Variants in MTFMT observed in about 807,000 individuals in gnomAD.
The protein encoded by MTFMT is methionyl-tRNA formyltransferase, mitochondrial.
Under a neutral mutation model 51.8 loss-of-function variants are expected in MTFMT, and 47 were observed. The ratio of observed to expected loss-of-function variants is 0.91; its 90% CI spans 0.72 to 1.16. The LOEUF is 1.16. Ranked by LOEUF, MTFMT falls within the 50% of genes most tolerant of loss-of-function variation. The pLI is 0.00. For synonymous variants in MTFMT, 196 were observed against 176.7 expected, an observed-to-expected ratio of 1.11 and a Z score of -0.87; for missense variants, 512 against 482.3, an observed-to-expected ratio of 1.06 and a Z score of -0.58.
In MTFMT at chr15:65,003,227, C is replaced by T; in HGVS notation, c.1005G>A (p.Met335Ile). Residue 335 changes from methionine to isoleucine, a missense_variant, in exon 9 of 9, where the codon ATG (methionine) becomes ATA (isoleucine). By Grantham distance (10) the Met-to-Ile change is conservative. Transcript: ENST00000220058. ...KDGWIGVRSVMLKKSLTATDF... is the reference protein window; with the variant it reads ...KDGWIGVRSVILKKSLTATDF... ...CAGTAGCTGTTAGTGATTTCTTGAG[C>T]ATCACTGATCGAACACCAATCCAAC... 6.2e-7 allele frequency: 1 copy of T among 1,613,298 alleles called. No individual in the cohort carries two copies. The highest frequency in any genetic ancestry group is 1.3e-5 in the African/African-American group (1 of 75,004).
At chr15:65,016,594 T>C (rs944623122) in intron 5 of MTFMT, 67 bp from the exon 6 acceptor site, 1 of 1,052,548 alleles carries the variant, frequency 9.5e-7, no homozygotes, top group African/African-American at 1.6e-5. Context: ...CAGCTATTGA[T>C]ACTGAATAAG....
chr15:65,009,495 T>A lies in MTFMT; in HGVS notation c.814-3304A>T, dbSNP rs1358324291. 2.0e-5 allele frequency among the ~76,000 whole-genome samples: 3 copies of A among 152,288 alleles called. No homozygotes were observed. The South Asian group carries it at 6.2e-4, about 32-fold the overall frequency. ...GCCAAAAATCTATGAATGATCCTAA[T>A]TTATCTATCTCTAATTTCCCAGATT... On this transcript the variant is annotated intron_variant, in intron 6 of 8. Transcript: ENST00000220058.
At chr15:65,018,461 T>C (rs1286311112) in intron 5 of MTFMT, among the ~76,000 whole-genome samples, 4 of 152,210 alleles carry the variant, frequency 2.6e-5, no homozygotes, top group Non-Finnish European at 5.9e-5. Context: ...CCTTTAATGA[T>C]AAATTTGAAT....
chr15:65,019,681 A>T (rs1240225232), intron 5 of MTFMT, among the ~76,000 whole-genome samples: 1 of 152,158 alleles, frequency 6.6e-6, no homozygotes, highest in Non-Finnish European at 1.5e-5. Flanking sequence ...CATAACAACT[A>T]ATTACAATTA....
chr15:65,020,371 TTTTTTC>T (rs2086363832), intron 4 of MTFMT, 99 bp from the exon 5 acceptor site: 1 of 1,010,684 alleles, frequency 9.9e-7, no homozygotes, highest in Non-Finnish European at 1.4e-6. Flanking sequence ...ACCTATAACT[TTTTTTC>T]TTTTTCTTTT....
Position 65,027,015 on chromosome 15 carries a change from C to T in MTFMT, c.235G>A (p.Asp79Asn), listed in dbSNP as rs751023728. The T allele has an allele frequency of 5.0e-6, 8 of 1,613,770 alleles. No individual in the cohort carries two copies. Among genetic ancestry groups the T allele is most frequent in the Admixed American group, 1.7e-5 (1 of 59,982 alleles). ...GGCATTGTGACCACCTCCAGTTTGT[C>T]GATTAACTCTTCTTCTTTGTTTTCC... The part of the protein sequence containing the change: ...ARENKEEELI[D>N]KLEVVTMPSP... Residue 79 changes from aspartate to asparagine, a missense_variant, in exon 2 of 9, where the codon GAC (aspartate) becomes AAC (asparagine). By Grantham distance (23) the Asp-to-Asn change is conservative. Coordinates refer to ENST00000220058, the MANE Select transcript of MTFMT (RefSeq NM_139242.4).
At chr15:65,019,648 A>AT (rs147266817) in intron 5 of MTFMT, among the ~76,000 whole-genome samples, 1 of 152,084 alleles carries the variant, frequency 6.6e-6, no homozygotes, top group African/African-American at 2.4e-5. Flanking sequence ...AAAAAGAGGA[A>AT]TTTTTTTTAG....
chr15:65,023,644 A>T, intron 3 of MTFMT, 28 bp downstream of exon 3: 1 of 1,609,700 alleles, frequency 6.2e-7, no homozygotes, highest in African/African-American at 1.3e-5. Flanking sequence ...AAATCACAAA[A>T]ATCTCAAGAA....
At chr15:65,014,472 C>T (rs1190749302) in intron 6 of MTFMT, among the ~76,000 whole-genome samples, 4 of 151,604 alleles carry the variant, frequency 2.6e-5, no homozygotes, top group African/African-American at 7.3e-5. Flanking sequence ...TACAGGCATG[C>T]GCCACTAGGT....
Position 65,029,508 on chromosome 15 carries a change from C to T in MTFMT, c.106G>A (p.Asp36Asn), listed in dbSNP as rs1313734512. Residue 36 changes from aspartate (D) to asparagine (N), a missense_variant, in exon 1 of 9, where the codon GAC (aspartate) becomes AAC (asparagine). Coordinates refer to ENST00000220058, the MANE Select transcript of MTFMT (RefSeq NM_139242.4). ...WRALARLGWE[D>N]CRDSRVREKP... is the part of the protein sequence containing the mutation. ...TCGCGGACTCTGGAGTCCCGGCAGT[C>T]CTCCCAGCCGAGTCGGGCCAGTGCT... 7 of 1,531,388 alleles carry T rather than the reference C, an allele frequency of 4.6e-6. No homozygotes were observed. The highest frequency in any genetic ancestry group is 6.1e-6 in the Non-Finnish European group (7 of 1,140,922). 94.9% of individuals were successfully genotyped at this position (1,531,388 alleles called of 1,614,324 possible). A position where few individuals can be genotyped will look rare whatever the true frequency, so the allele number is the denominator to read the frequency against.
intron 8 of MTFMT, 143 bp from the exon 9 acceptor site, chr15:65,003,399 C>A (rs907873205): frequency 1.6e-6 from 1 of 634,860 alleles, no homozygotes; most frequent in Non-Finnish European, 2.7e-6. Context: ...CAGCACTACA[C>A]TAAGTAACAT....
chr15:65,013,269 T>C (rs959100669), intron 6 of MTFMT, among the ~76,000 whole-genome samples: 5 of 140,556 alleles, frequency 3.6e-5, no homozygotes, highest in African/African-American at 7.8e-5. Context: ...CTTTCTTTTA[T>C]TTTCTTTCTT....
chr15:65,023,514 T>C (rs1036167610), intron 3 of MTFMT, among the ~76,000 whole-genome samples, 158 bp downstream of exon 3: 2 of 152,064 alleles, frequency 1.3e-5, no homozygotes, highest in Non-Finnish European at 2.9e-5. Flanking sequence ...TGGTTTATGT[T>C]AGAAACCAGG....
At chr15:65,004,207 G>A (rs1202854063) in intron 8 of MTFMT, among the ~76,000 whole-genome samples, 1 of 151,922 alleles carries the variant, frequency 6.6e-6, no homozygotes, top group African/African-American at 2.4e-5. Context: ...AGTAAAGACG[G>A]GGTTTCTCTA....
intron 3 of MTFMT, 119 bp downstream of exon 3, chr15:65,023,553 G>A (rs933247591): frequency 3.4e-6 from 3 of 878,004 alleles, no homozygotes; most frequent in African/African-American, 1.7e-5. Context: ...AAAAGCAGAA[G>A]AAGCACTCTG....
At chr15:65,025,339 G>A (rs998764696) in intron 2 of MTFMT, among the ~76,000 whole-genome samples, 1 of 151,856 alleles carries the variant, frequency 6.6e-6, no homozygotes, top group Non-Finnish European at 1.5e-5. Context: ...TGGGGCTGCA[G>A]TGAGTTATGA....
chr15:65,011,658 A>G (rs2086268669), intron 6 of MTFMT, among the ~76,000 whole-genome samples: 1 of 151,758 alleles, frequency 6.6e-6, no homozygotes. Flanking sequence ...CATGATGCCC[A>G]GCTAATTTTT....
At chr15:65,026,766 A>T in intron 2 of MTFMT, 65 bp downstream of exon 2, 2 of 1,217,522 alleles carry the variant, frequency 1.6e-6, no homozygotes, top group Non-Finnish European at 2.3e-6. Context: ...ATCACATTTT[A>T]TATACAAGGT....
intron 6 of MTFMT, among the ~76,000 whole-genome samples, chr15:65,011,374 T>C (rs767450814): frequency 3.9e-4 from 59 of 152,042 alleles, no homozygotes; most frequent in Non-Finnish European, 7.2e-4. Flanking sequence ...CATTTTTAAT[T>C]GGGTTATTTG....
Sources: gnomAD v4.1 joint callset for allele counts (sites outside exome capture counted in the v4.1 genomes callset) on GRCh38, gnomAD v4.1.1 for gene constraint, MANE v1.5 for transcripts, NCBI Gene and HGNC (gene_info 2026-07-23, HGNC 2026-07-21) for gene names.